YWHAE: variants seen among roughly 807,000 people sequenced by gnomAD.
The protein encoded by YWHAE is tyrosine 3-monooxygenase/tryptophan 5-monooxygenase activation protein epsilon.
A neutral mutation model predicts 30.1 loss-of-function variants in YWHAE; 4 were observed. The ratio of observed to expected loss-of-function variants is 0.13; its 90% CI spans 0.07 to 0.30. The LOEUF (loss-of-function observed/expected upper bound fraction) is 0.30. Among genes scored for constraint, YWHAE ranks in the 10% least tolerant of loss-of-function variants. The probability of loss-of-function intolerance (pLI) is 1.00; values close to 1 mark genes in which losing one functional copy is unlikely to be tolerated. For missense variants in YWHAE, 121 were observed against 315.9 expected (o/e 0.38, Z 4.68); for synonymous variants, 118 against 111.8 (o/e 1.06, Z -0.35).
At chr17:1,374,355 C>CT (rs1352938914) in intron 1 of YWHAE, among the ~76,000 whole-genome samples, 4 of 151,600 alleles carry the variant, frequency 2.6e-5, no homozygotes, top group Admixed American at 2.0e-4. Context: ...AGTTAATGAA[C>CT]ATTTGGGTTG....
intron 1 of YWHAE, among the ~76,000 whole-genome samples, chr17:1,394,392 A>G (rs2073432604): frequency 7.1e-6 from 1 of 141,638 alleles, no homozygotes; most frequent in South Asian, 2.3e-4. Flanking sequence ...GTGGGAGTCC[A>G]GGAATTCAAG....
At chr17:1,349,687 C>T (rs2072589607) in intron 5 of YWHAE, among the ~76,000 whole-genome samples, 1 of 150,672 alleles carries the variant, frequency 6.6e-6, no homozygotes, top group South Asian at 2.1e-4. Context: ...TATCTCGGCT[C>T]ACTGCAAGCT....
At chr17:1,393,274 T>C (rs1261640723) in intron 1 of YWHAE, among the ~76,000 whole-genome samples, 7 of 150,264 alleles carry the variant, frequency 4.7e-5, no homozygotes, top group Non-Finnish European at 8.9e-5. Flanking sequence ...TGAGCCAAGA[T>C]CGCACCACTG....
At chr17:1,388,523 C>CAAA (rs771810570) in intron 1 of YWHAE, among the ~76,000 whole-genome samples, 1 of 124,476 alleles carries the variant, frequency 8.0e-6, no homozygotes, top group African/African-American at 2.9e-5. Context: ...GACTCTGTCT[C>CAAA]AAAAAAAAAA....
At chr17:1,399,167 G>C (rs551296569) in intron 1 of YWHAE, 1 of 152,094 alleles carries the variant, frequency 6.6e-6, no homozygotes, top group Non-Finnish European at 1.5e-5. Flanking sequence ...ACAAAGGCTC[G>C]AACTCTCAGA....
chr17:1,361,466 T>C (rs548795581), intron 3 of YWHAE, among the ~76,000 whole-genome samples, 168 bp from the exon 4 acceptor site: 8 of 152,238 alleles, frequency 5.3e-5, no homozygotes, highest in Non-Finnish European at 1.0e-4. Flanking sequence ...ACTGGCTTCG[T>C]TTCATTTTTT....
intron 5 of YWHAE, among the ~76,000 whole-genome samples, chr17:1,353,444 A>G (rs2072671607): frequency 6.8e-6 from 1 of 146,418 alleles, no homozygotes; most frequent in African/African-American, 2.5e-5. Flanking sequence ...TCTCAAAAAA[A>G]AAAAAAGAAA....
intron 5 of YWHAE, among the ~76,000 whole-genome samples, chr17:1,349,324 A>G (rs2150836831): frequency 6.6e-6 from 1 of 152,336 alleles, no homozygotes; most frequent in East Asian, 1.9e-4. Flanking sequence ...CCTGGGCAAC[A>G]GAGTGATACT....
At chr17:1,394,091 G>A (rs1477967467) in intron 1 of YWHAE, among the ~76,000 whole-genome samples, 2 of 152,124 alleles carry the variant, frequency 1.3e-5, no homozygotes, top group African/African-American at 2.4e-5. Flanking sequence ...TCTTTTGAGT[G>A]GCTGAGAGTA....
Position 1,354,557 on chromosome 17 carries a change from T to C in YWHAE, c.579-210A>G, listed in dbSNP as rs545546669. ...CTTTAAGCCTGCTACTGATATGCTATAATATACATATCGACTAATAAAATA... is the reference window on the plus strand; with the variant it reads ...CTTTAAGCCTGCTACTGATATGCTACAATATACATATCGACTAATAAAATA... On this transcript the variant is annotated intron_variant, in intron 4 of 5. Transcript: ENST00000264335. Among the ~76,000 whole-genome samples the C allele has an allele frequency of 2.6e-5, 4 of 152,352 alleles. No individual in the cohort carries two copies. In the East Asian group the frequency reaches 7.7e-4, roughly 29 times the overall value.
intron 5 of YWHAE, among the ~76,000 whole-genome samples, chr17:1,346,307 A>T (rs2072515085): frequency 6.6e-6 from 1 of 152,264 alleles, no homozygotes; most frequent in South Asian, 2.1e-4. Flanking sequence ...TCCCTTAAAA[A>T]TGATGTAACA....
intron 4 of YWHAE, among the ~76,000 whole-genome samples, chr17:1,357,626 C>G (rs528883676): frequency 6.6e-5 from 10 of 151,676 alleles, no homozygotes; most frequent in Middle Eastern, 3.4e-3. Flanking sequence ...GCAATATTTA[C>G]TGTAAAAATT....
chr17:1,370,599 T>A (rs1472231491), intron 1 of YWHAE, among the ~76,000 whole-genome samples: 1 of 151,820 alleles, frequency 6.6e-6, no homozygotes, highest in East Asian at 2.0e-4. Context: ...CCCGGCTAAC[T>A]TTTCTATTTT....
Position 1,354,117 on chromosome 17 carries a change from G to C in YWHAE, c.715+94C>G, listed in dbSNP as rs2072687181. ...GGGCAGGCGGTGAATCTAAATTCTAGCTTGATATAACGACAAGCCAAGGAA... is the reference window on the plus strand; with the variant it reads ...GGGCAGGCGGTGAATCTAAATTCTACCTTGATATAACGACAAGCCAAGGAA... On this transcript the variant is annotated intron_variant, in intron 5 of 5. Transcript: ENST00000264335. 15 of 1,467,142 alleles carry C rather than the reference G, an allele frequency of 1.0e-5. No individual in the cohort carries two copies. The South Asian group carries it at 1.9e-4, about 19-fold the overall frequency. 90.9% of individuals were successfully genotyped at this position (1,467,142 alleles called of 1,614,324 possible).
At chr17:1,385,997 GA>G (rs2073295351) in intron 1 of YWHAE, among the ~76,000 whole-genome samples, 2 of 152,148 alleles carry the variant, frequency 1.3e-5, no homozygotes, top group Non-Finnish European at 2.9e-5. Flanking sequence ...GAAGTGGAAG[GA>G]GTACCAGCTT....
intron 5 of YWHAE, among the ~76,000 whole-genome samples, chr17:1,346,455 T>C (rs140585969): frequency 6.6e-6 from 1 of 152,342 alleles, no homozygotes; most frequent in East Asian, 1.9e-4. Flanking sequence ...TCATAATGCT[T>C]GTTAAATTAT....
At chr17:1,352,317 C>G (rs193056459) in intron 5 of YWHAE, 1 of 152,106 alleles carries the variant, frequency 6.6e-6, no homozygotes, top group Non-Finnish European at 1.5e-5. Context: ...GCTGAGTCAC[C>G]TAATTCTCAC....
In YWHAE at chr17:1,400,078, C is replaced by T. The variant is rs755817175; in HGVS notation, c.33G>A (p.Ala11=). 12 of 1,613,976 alleles carry T rather than the reference C, an allele frequency of 7.4e-6. No individual in the cohort carries two copies. The highest frequency in any genetic ancestry group is 1.0e-5 in the Non-Finnish European group (12 of 1,180,018). Residue 11 remains alanine, a synonymous_variant, in exon 1 of 6, where the codon GCG becomes GCA. Transcript: ENST00000264335. MDDREDLVYQ[A]KLAEQAERYD... is the part of the protein sequence containing the mutation. ...ATCGCTCAGCCTGCTCGGCCAGCTT[C>T]GCCTGGTACACCAGATCCTCTCGAT... is the stretch of plus-strand genomic sequence containing the variant.
chr17:1,356,329 A>G (rs182030988), intron 4 of YWHAE, among the ~76,000 whole-genome samples: 1 of 152,294 alleles, frequency 6.6e-6, no homozygotes, highest in African/African-American at 2.4e-5. Context: ...AAACTGTGCC[A>G]ATGCACTCCA....
Sources: allele counts gnomAD v4.1 joint callset (sites outside exome capture counted in the v4.1 genomes callset), GRCh38; gene constraint gnomAD v4.1.1; transcripts MANE v1.5; gene names NCBI Gene and HGNC (gene_info 2026-07-23, HGNC 2026-07-21).